Variants in TENM4 observed in about 807,000 individuals in gnomAD.
The protein encoded by TENM4 is teneurin transmembrane protein 4.
A neutral mutation model predicts 243.3 loss-of-function variants in TENM4; 82 were observed. That is an observed-to-expected ratio of 0.34 (90% CI 0.28 to 0.40). The LOEUF (loss-of-function observed/expected upper bound fraction) is 0.40. TENM4 is among the 10% of genes least tolerant of loss of function. TENM4 has a pLI of 1.00. For synonymous variants in TENM4, 1,412 were observed against 1,456.3 expected (o/e 0.97, Z 0.69); for missense variants, 3,138 against 3,673.3 (o/e 0.85, Z 3.77).
At chr11:78,827,198 C>T (rs1857873081) in intron 12 of TENM4, among the ~76,000 whole-genome samples, 1 of 152,142 alleles carries the variant, frequency 6.6e-6, no homozygotes, top group African/African-American at 2.4e-5. Context: ...TAGAGTCTGT[C>T]TATGTATAAT....
intron 27 of TENM4, among the ~76,000 whole-genome samples, chr11:78,706,863 A>C (rs1395113388): frequency 6.6e-6 from 1 of 152,210 alleles, no homozygotes; most frequent in East Asian, 1.9e-4. Context: ...GCTTGCTCAC[A>C]GACTGGAGAG....
chr11:79,061,701 A>C (rs892288023), intron 6 of TENM4, among the ~76,000 whole-genome samples: 16 of 152,244 alleles, frequency 1.1e-4, no homozygotes, highest in Admixed American at 1.0e-3. Flanking sequence ...AGAACAAATA[A>C]CCCAAGTATT....
At chr11:78,903,017 C>CG (rs1485802582) in intron 7 of TENM4, among the ~76,000 whole-genome samples, 1 of 151,698 alleles carries the variant, frequency 6.6e-6, no homozygotes, top group African/African-American at 2.4e-5. Flanking sequence ...GGGGTTGGTG[C>CG]GGGGGGTGTC....
intron 2 of TENM4, among the ~76,000 whole-genome samples, chr11:79,287,236 A>T (rs1205804390): frequency 6.6e-6 from 1 of 152,130 alleles, no homozygotes; most frequent in Non-Finnish European, 1.5e-5. Flanking sequence ...GATGACTTTC[A>T]CTCTGCCCTG....
chr11:79,260,471 G>C (rs1190787256), intron 2 of TENM4, among the ~76,000 whole-genome samples: 1 of 152,188 alleles, frequency 6.6e-6, no homozygotes, highest in African/African-American at 2.4e-5. Flanking sequence ...AATAGAGATT[G>C]TTAGCTCCAC....
intron 3 of TENM4, among the ~76,000 whole-genome samples, chr11:79,159,829 C>T (rs1046355214): frequency 4.6e-5 from 7 of 152,166 alleles, no homozygotes; most frequent in Admixed American, 3.3e-4. Context: ...TTTACAGATG[C>T]CTTCCACTTC....
chr11:78,978,347 TAAGAAAAGAAAAGAAAAGAAAAGAA>T (rs61346145), intron 6 of TENM4, among the ~76,000 whole-genome samples: 3 of 137,846 alleles, frequency 2.2e-5, no homozygotes, highest in African/African-American at 5.4e-5. Context: ...GAACTTAAAG[TAAGAAAAGAAAAGAAAAGAAAAGAA>T]AAGAAAAGAA....
intron 12 of TENM4, among the ~76,000 whole-genome samples, chr11:78,851,258 C>G (rs1219324668): frequency 6.6e-6 from 1 of 152,144 alleles, no homozygotes; most frequent in Non-Finnish European, 1.5e-5. Context: ...GTGGTTCACT[C>G]AAGTCTGAGA....
At position 79,055,544 on chromosome 11, in the gene TENM4, TTTA is replaced by T. The variant is rs1449013085; in HGVS notation, c.493+9191_493+9193del. Among the ~76,000 whole-genome samples, 18 of 152,188 alleles carry T rather than the reference TTTA, an allele frequency of 1.2e-4. No individual in the cohort carries two copies. The South Asian group carries it at 1.2e-3, about 11-fold the overall frequency. ...GGCGTGAGCCACTGTGCCCAGACTA[TTTA>T]TTATTATTTTAAATGATGTTGCTGA... On this transcript the variant is annotated intron_variant, in intron 6 of 33. Coordinates refer to ENST00000278550, the MANE Select transcript of TENM4 (RefSeq NM_001098816.3).
intron 4 of TENM4, among the ~76,000 whole-genome samples, chr11:79,129,536 G>C (rs532281293): frequency 6.6e-6 from 1 of 152,152 alleles, no homozygotes; most frequent in Non-Finnish European, 1.5e-5. Flanking sequence ...TTTGTTGGGG[G>C]GTAGGGAGAG....
At chr11:79,135,637 T>C (rs1043304013) in intron 4 of TENM4, among the ~76,000 whole-genome samples, 8 of 147,012 alleles carry the variant, frequency 5.4e-5, no homozygotes, top group African/African-American at 1.9e-4. Context: ...AAAGTAACTG[T>C]GATATACATA....
chr11:78,926,845 T>A (rs1591135698), intron 6 of TENM4, among the ~76,000 whole-genome samples: 1 of 152,170 alleles, frequency 6.6e-6, no homozygotes, highest in African/African-American at 2.4e-5. Context: ...GAGAACCATC[T>A]GGAATCCATC....
rs557211863 is a variant in TENM4, at chr11:78,979,528, T to C, written c.494-76005A>G. 8.3e-4 allele frequency among the ~76,000 whole-genome samples: 126 copies of C among 152,318 alleles called. 1 individual carries two copies. Among genetic ancestry groups the C allele is most frequent in the Non-Finnish European group, 1.5e-3 (105 of 68,018 alleles). On this transcript the variant is annotated intron_variant, in intron 6 of 33. Transcript: ENST00000278550. The stretch of plus-strand genomic sequence containing the variant: ...AGAAAGCATTGTGGGCATGCATGTG[T>C]GCTGTGCATGCACATATGTGTTGTA...
At chr11:79,407,866 C>A (rs1858606022) in intron 1 of TENM4, among the ~76,000 whole-genome samples, 1 of 151,596 alleles carries the variant, frequency 6.6e-6, no homozygotes, top group South Asian at 2.1e-4. Context: ...TTCAGTAGTT[C>A]TAGGGTGGAA....
At chr11:79,137,118 G>A (rs1185885043) in intron 4 of TENM4, among the ~76,000 whole-genome samples, 3 of 152,118 alleles carry the variant, frequency 2.0e-5, no homozygotes, top group African/African-American at 7.2e-5. Context: ...GTGACATTAT[G>A]TTCTGCTGGC....
chr11:79,210,217 A>C (rs185893961), intron 3 of TENM4, among the ~76,000 whole-genome samples: 1 of 152,204 alleles, frequency 6.6e-6, no homozygotes, highest in African/African-American at 2.4e-5. Context: ...ATCGCCAGCC[A>C]GGATGAACAG....
Position 79,159,351 on chromosome 11 carries a change from C to T in TENM4, c.-162-10545G>A, listed in dbSNP as rs149294937. On this transcript the variant is annotated intron_variant, in intron 3 of 33. Coordinates refer to ENST00000278550, the MANE Select transcript of TENM4 (RefSeq NM_001098816.3). ...TAGTATCTGATTTAATCTTACCCTA[C>T]GCACTAGGTAGCATCACCCTTATTT... 2.5e-3 allele frequency among the ~76,000 whole-genome samples: 385 copies of T among 152,300 alleles called. 2 individuals carry two copies. The highest frequency in any genetic ancestry group is 0.017 in the East Asian group (87 of 5,192).
At chr11:79,099,788 C>T (rs1278012034) in intron 4 of TENM4, among the ~76,000 whole-genome samples, 1 of 152,222 alleles carries the variant, frequency 6.6e-6, no homozygotes, top group African/African-American at 2.4e-5. Context: ...ACAGAGAGCA[C>T]AGCAAGCTCT....
intron 6 of TENM4, among the ~76,000 whole-genome samples, chr11:78,921,230 AC>A (rs1459486009): frequency 6.6e-6 from 1 of 152,182 alleles, no homozygotes; most frequent in Non-Finnish European, 1.5e-5. Flanking sequence ...GTTGGGTCCC[AC>A]CTATGGCGTG....
Sources: gnomAD v4.1 joint callset for allele counts (sites outside exome capture counted in the v4.1 genomes callset) on GRCh38, gnomAD v4.1.1 for gene constraint, MANE v1.5 for transcripts, NCBI Gene and HGNC (gene_info 2026-07-23, HGNC 2026-07-21) for gene names.